NCAM2: variants seen among roughly 807,000 people sequenced by gnomAD.
NCAM2 encodes neural cell adhesion molecule 2, also known as N-CAM-2.
In NCAM2, 30 loss-of-function variants were observed where a neutral mutation model predicts 98.1. The ratio of observed to expected loss-of-function variants is 0.31; its 90% CI spans 0.23 to 0.41. NCAM2 has a LOEUF of 0.41. NCAM2 is among the 10% of genes least tolerant of loss of function. The pLI is 1.00. For synonymous variants in NCAM2, 368 were observed against 342.4 expected (o/e 1.07, Z -0.83); for missense variants, 867 against 1,005.8 (o/e 0.86, Z 1.87).
At chr21:21,430,905 G>A (rs930571814) in intron 11 of NCAM2, among the ~76,000 whole-genome samples, 1 of 151,770 alleles carries the variant, frequency 6.6e-6, no homozygotes, top group African/African-American at 2.4e-5. Context: ...AATTAGCTGG[G>A]CGTGGTGGTG....
intron 1 of NCAM2, among the ~76,000 whole-genome samples, chr21:21,262,741 AATAC>A (rs1055518988): frequency 7.9e-5 from 12 of 151,784 alleles, no homozygotes; most frequent in Non-Finnish European, 1.5e-4. Context: ...ACTGGTGGTA[AATAC>A]ATACCTCAAA....
chr21:21,069,424 G>T (rs1044559439), intron 1 of NCAM2, among the ~76,000 whole-genome samples: 2 of 152,146 alleles, frequency 1.3e-5, no homozygotes, highest in Admixed American at 1.3e-4. Flanking sequence ...TATTTTCCCA[G>T]AGTAGTAATT....
intron 5 of NCAM2, among the ~76,000 whole-genome samples, chr21:21,307,216 A>G (rs563845081): frequency 1.3e-5 from 2 of 151,822 alleles, no homozygotes; most frequent in African/African-American, 2.4e-5. Flanking sequence ...CTGTTTCTTC[A>G]TTTTTGAATA....
intron 15 of NCAM2, among the ~76,000 whole-genome samples, chr21:21,479,246 A>C (rs1213860062): frequency 6.6e-6 from 1 of 152,126 alleles, no homozygotes; most frequent in African/African-American, 2.4e-5. Context: ...TAGATTTTAC[A>C]CAGATTACTA....
Position 21,292,123 on chromosome 21 carries a change from A to G in NCAM2, c.501A>G (p.Ala167=), listed in dbSNP as rs779401813. ...TTCCAGATCGGTTCGCTATGTTAGC[A>G]AACAATAACCTGCAGATTCTCAACA... is the stretch of plus-strand genomic sequence containing the variant. ...TISDNRFAML[A]NNNLQILNIN... Residue 167 remains alanine, a synonymous_variant, in exon 5 of 18, where the codon GCA becomes GCG. Transcript: ENST00000400546. The G allele has an allele frequency of 6.0e-5, 97 of 1,610,438 alleles. No individual in the cohort carries two copies. Among genetic ancestry groups the G allele is most frequent in the Non-Finnish European group, 8.0e-5 (94 of 1,178,190 alleles).
intron 5 of NCAM2, among the ~76,000 whole-genome samples, chr21:21,295,899 C>T (rs2073461652): frequency 1.3e-5 from 2 of 151,592 alleles, no homozygotes; most frequent in South Asian, 2.1e-4. Flanking sequence ...CCTAGGTGTA[C>T]TTTTGAAATT....
intron 1 of NCAM2, among the ~76,000 whole-genome samples, chr21:21,178,543 G>T (rs1460373570): frequency 6.6e-6 from 1 of 151,906 alleles, no homozygotes; most frequent in Non-Finnish European, 1.5e-5. Flanking sequence ...TTTAATACAA[G>T]AATATACTAT....
rs534931864 is a variant in NCAM2, at chr21:21,451,077, A to G, written c.1655-15529A>G. 4.6e-5 allele frequency among the ~76,000 whole-genome samples: 7 copies of G among 152,210 alleles called. No individual in the cohort carries two copies. The East Asian group carries it at 1.2e-3, about 25-fold the overall frequency. ...ACCCTATAGGAACTATTGCTCATAC[A>G]GGTATTTTGCCAGCTGCTCACTTGT... On this transcript the variant is annotated intron_variant, in intron 12 of 17. Transcript: ENST00000400546.
chr21:21,439,404 C>T (rs1016874362), intron 12 of NCAM2, among the ~76,000 whole-genome samples: 2 of 152,196 alleles, frequency 1.3e-5, no homozygotes, highest in Admixed American at 6.5e-5. Flanking sequence ...GCTGGGATTA[C>T]AGGCGTGAGC....
chr21:21,472,323 G>A (rs997961291), intron 14 of NCAM2, among the ~76,000 whole-genome samples: 1 of 151,892 alleles, frequency 6.6e-6, no homozygotes, highest in Non-Finnish European at 1.5e-5. Context: ...AATGGCCATA[G>A]GATAAGAAAG....
intron 1 of NCAM2, among the ~76,000 whole-genome samples, chr21:21,136,977 C>T (rs1398163397): frequency 6.6e-6 from 1 of 151,332 alleles, no homozygotes; most frequent in African/African-American, 2.4e-5. Flanking sequence ...TTAATACTGG[C>T]GAGTGCCACT....
chr21:21,014,192 G>A (rs974747135), intron 1 of NCAM2, among the ~76,000 whole-genome samples: 6 of 152,084 alleles, frequency 3.9e-5, no homozygotes, highest in Non-Finnish European at 7.4e-5. Flanking sequence ...TTGGGAGGCC[G>A]AGGAAGGCAG....
At chr21:21,324,776 A>C (rs979630488) in intron 6 of NCAM2, among the ~76,000 whole-genome samples, 6 of 152,118 alleles carry the variant, frequency 3.9e-5, no homozygotes, top group African/African-American at 4.8e-5. Context: ...GACCAGGAGC[A>C]CCTGTGACTT....
At chr21:21,349,449 T>C (rs2075276838) in intron 8 of NCAM2, among the ~76,000 whole-genome samples, 2 of 152,108 alleles carry the variant, frequency 1.3e-5, no homozygotes, top group African/African-American at 4.8e-5. Context: ...CAAGGACGTA[T>C]AGAAAAGGGA....
intron 12 of NCAM2, among the ~76,000 whole-genome samples, chr21:21,446,636 C>T (rs1190503057): frequency 6.6e-6 from 1 of 151,970 alleles, no homozygotes; most frequent in Non-Finnish European, 1.5e-5. Context: ...TGCTATGATT[C>T]TATATTTGGA....
chr21:21,136,169 T>C (rs1293996248), intron 1 of NCAM2, among the ~76,000 whole-genome samples: 1 of 152,228 alleles, frequency 6.6e-6, no homozygotes, highest in East Asian at 1.9e-4. Flanking sequence ...GGGGTCACTC[T>C]GGTGAAGGAA....
intron 1 of NCAM2, among the ~76,000 whole-genome samples, chr21:21,129,672 C>CT (rs2066896114): frequency 6.6e-6 from 1 of 152,092 alleles, no homozygotes; most frequent in Non-Finnish European, 1.5e-5. Context: ...AGCTAGCTCA[C>CT]TGTCGCCTCT....
At chr21:21,422,956 T>C (rs1461944005) in intron 11 of NCAM2, among the ~76,000 whole-genome samples, 2 of 152,150 alleles carry the variant, frequency 1.3e-5, no homozygotes, top group Admixed American at 6.5e-5. Context: ...TGACAAGGCA[T>C]TCTGTATATT....
chr21:21,109,382 A>T (rs2066410539), intron 1 of NCAM2, among the ~76,000 whole-genome samples: 1 of 152,122 alleles, frequency 6.6e-6, no homozygotes. Flanking sequence ...ACAGGATATG[A>T]TTATCAACAT....
Sources: gnomAD v4.1 joint callset for allele counts (sites outside exome capture counted in the v4.1 genomes callset) on GRCh38, gnomAD v4.1.1 for gene constraint, MANE v1.5 for transcripts, NCBI Gene and HGNC (gene_info 2026-07-23, HGNC 2026-07-21) for gene names.